SLC15A5: variants seen among roughly 807,000 people sequenced by gnomAD.
SLC15A5 encodes solute carrier family 15 member 5, also known as Peptide/histidine transporter ENSP00000340402.
In SLC15A5, 58 loss-of-function variants were observed where a neutral mutation model predicts 56.1. That is an observed-to-expected ratio of 1.03 (90% CI 0.84 to 1.29). The LOEUF (loss-of-function observed/expected upper bound fraction) is 1.29, where lower values mean the gene tolerates loss of function less well. Among genes scored for constraint, SLC15A5 ranks in the 50% most tolerant of loss-of-function variants. The pLI is 0.00. For synonymous variants in SLC15A5, 264 were observed against 250.5 expected (o/e 1.05, Z -0.51); for missense variants, 681 against 672.1 (o/e 1.01, Z -0.15).
chr12:16,240,818 T>A (rs1864406863), intron 4 of SLC15A5, among the ~76,000 whole-genome samples: 1 of 149,980 alleles, frequency 6.7e-6, no homozygotes, highest in African/African-American at 2.5e-5. Flanking sequence ...TCTTTTTTAT[T>A]TTTATTTTTT....
chr12:16,218,234 G>GT (rs150439894), intron 6 of SLC15A5, among the ~76,000 whole-genome samples: 2,242 of 152,218 alleles, frequency 0.015, 55 homozygotes, highest in African/African-American at 0.05. Context: ...CAAAAAAATT[G>GT]TAAGGAAATA....
At chr12:16,273,047 G>T (rs879225708) in intron 1 of SLC15A5, among the ~76,000 whole-genome samples, 1 of 151,078 alleles carries the variant, frequency 6.6e-6, no homozygotes, top group Admixed American at 6.6e-5. Flanking sequence ...CAGAATGTAT[G>T]AGCAAATCAT....
chr12:16,255,417 G>T (rs1864561407), intron 3 of SLC15A5, among the ~76,000 whole-genome samples: 1 of 151,952 alleles, frequency 6.6e-6, no homozygotes, highest in South Asian at 2.1e-4. Context: ...TCTCAAATTG[G>T]CAAAAATCCC....
intron 6 of SLC15A5, among the ~76,000 whole-genome samples, chr12:16,221,118 T>C (rs1864183871): frequency 6.6e-6 from 1 of 152,166 alleles, no homozygotes; most frequent in Non-Finnish European, 1.5e-5. Flanking sequence ...GAATAATACA[T>C]TTTTATTGTA....
At chr12:16,213,543 G>T (rs1484944148) in intron 7 of SLC15A5, among the ~76,000 whole-genome samples, 1 of 152,134 alleles carries the variant, frequency 6.6e-6, no homozygotes, top group Non-Finnish European at 1.5e-5. Context: ...TCAAAGTAGA[G>T]AATTTTTCTG....
chr12:16,265,435 C>T (rs187585765), intron 2 of SLC15A5, among the ~76,000 whole-genome samples: 41 of 152,258 alleles, frequency 2.7e-4, no homozygotes, highest in African/African-American at 8.4e-4. Flanking sequence ...AGTCTCTTTT[C>T]CTTCATTAAA....
At chr12:16,223,010 T>C in intron 6 of SLC15A5, among the ~76,000 whole-genome samples, 1 of 152,032 alleles carries the variant, frequency 6.6e-6, no homozygotes, top group East Asian at 1.9e-4. Context: ...ATATATGGGA[T>C]GAAATGATAT....
chr12:16,190,617 A>G (rs556135620), intron 8 of SLC15A5, among the ~76,000 whole-genome samples: 58 of 152,302 alleles, frequency 3.8e-4, no homozygotes, highest in Middle Eastern at 3.4e-3. Flanking sequence ...AATATCGGCT[A>G]TAAGTTTAAT....
intron 6 of SLC15A5, among the ~76,000 whole-genome samples, chr12:16,218,224 C>CA (rs945137131): frequency 2.6e-5 from 4 of 151,618 alleles, no homozygotes; most frequent in Admixed American, 6.6e-5. Flanking sequence ...ATATGTGTGC[C>CA]AAAAAAATTG....
At position 16,270,217 on chromosome 12, in the gene SLC15A5, C is replaced by T. The variant is rs139262133; in HGVS notation, c.584+2344G>A. On this transcript the variant is annotated intron_variant, in intron 2 of 8. Coordinates refer to ENST00000344941, the MANE Select transcript of SLC15A5 (RefSeq NM_001170798.1). The stretch of plus-strand genomic sequence containing the variant: ...TGCCTGAGACTTCCAGTCTATGCTA[C>T]TTAACATGATCATTGGGAAGCTTTA... Among the ~76,000 whole-genome samples, 55 of 152,254 alleles carry T rather than the reference C, an allele frequency of 3.6e-4. No homozygotes were observed. The East Asian group carries it at 0.01, about 29-fold the overall frequency.
chr12:16,240,938 G>A (rs866896248), intron 4 of SLC15A5, among the ~76,000 whole-genome samples: 1 of 151,850 alleles, frequency 6.6e-6, no homozygotes, highest in Non-Finnish European at 1.5e-5. Context: ...TCAGCCTTCC[G>A]AGTAGCTGAG....
intron 7 of SLC15A5, among the ~76,000 whole-genome samples, chr12:16,200,422 T>C (rs1863943661): frequency 1.3e-5 from 2 of 152,064 alleles, no homozygotes; most frequent in Non-Finnish European, 2.9e-5. Context: ...AAAAATGATA[T>C]ATACGTAATT....
At position 16,271,671 on chromosome 12, in the gene SLC15A5, A is replaced by G. The variant is rs1377859419; in HGVS notation, c.584+890T>C. ...CACATATAGACACTATTTACTCTAAAAATGGACAATGTAGCTCACATCTGT... is the reference window on the plus strand; with the variant it reads ...CACATATAGACACTATTTACTCTAAGAATGGACAATGTAGCTCACATCTGT... On this transcript the variant is annotated intron_variant, in intron 2 of 8. Transcript: ENST00000344941. This position sits in a 1 kb window ranked among gnomAD's most constrained non-coding sequence, Gnocchi z 8.0. Among the ~76,000 whole-genome samples the G allele has an allele frequency of 6.6e-6, 1 of 152,210 alleles. No individual in the cohort carries two copies. Among genetic ancestry groups the G allele is most frequent in the Non-Finnish European group, 1.5e-5 (1 of 68,032 alleles).
intron 7 of SLC15A5, among the ~76,000 whole-genome samples, chr12:16,208,916 GC>G (rs900673179): frequency 1.3e-5 from 2 of 151,814 alleles, no homozygotes; most frequent in African/African-American, 4.8e-5. Flanking sequence ...ATTTTTATTT[GC>G]TAAGTCTGGC....
chr12:16,245,350 A>G (rs1281572902), intron 3 of SLC15A5, among the ~76,000 whole-genome samples: 2 of 152,172 alleles, frequency 1.3e-5, no homozygotes, highest in Non-Finnish European at 2.9e-5. Context: ...GATTTTATGC[A>G]TGTTGATAGT....
In SLC15A5 at chr12:16,237,175, A is replaced by G. The variant is rs1292642526; in HGVS notation, c.1162+2506T>C. On this transcript the variant is annotated intron_variant, in intron 5 of 8. Coordinates refer to ENST00000344941, the MANE Select transcript of SLC15A5 (RefSeq NM_001170798.1). This position sits in a 1 kb window ranked among gnomAD's most constrained non-coding sequence, Gnocchi z 4.1. ...TTAGACTAATTCAGTTATGTAAATT[A>G]GTATCAAAAAGTACCCCAGGTTGGT... Among the ~76,000 whole-genome samples the G allele has an allele frequency of 6.6e-5, 10 of 152,200 alleles. No individual in the cohort carries two copies. The highest frequency in any genetic ancestry group is 6.5e-4 in the Admixed American group (10 of 15,282).
intron 7 of SLC15A5, among the ~76,000 whole-genome samples, chr12:16,203,781 A>G (rs1863986552): frequency 6.6e-6 from 1 of 152,182 alleles, no homozygotes; most frequent in South Asian, 2.1e-4. Flanking sequence ...ATGTACCTGA[A>G]GATTAATTTT....
intron 7 of SLC15A5, among the ~76,000 whole-genome samples, chr12:16,201,417 GAAAT>G (rs1663494409): frequency 6.6e-6 from 1 of 152,134 alleles, no homozygotes; most frequent in Admixed American, 6.6e-5. Context: ...GTAGAGTCCA[GAAAT>G]AAATCTGTGC....
At position 16,206,005 on chromosome 12, in the gene SLC15A5, C is replaced by G. The variant is rs898675808; in HGVS notation, c.1483+10888G>C. Reference sequence around the variant, plus strand: ...AAAGTCCAAAATTGTCGAGACAAAACTGAAATGGATTTTATACTCTGCTTT... The same window carrying G: ...AAAGTCCAAAATTGTCGAGACAAAAGTGAAATGGATTTTATACTCTGCTTT... On this transcript the variant is annotated intron_variant, in intron 7 of 8. Transcript: ENST00000344941. Among the ~76,000 whole-genome samples, 4 of 152,202 alleles carry G rather than the reference C, an allele frequency of 2.6e-5. No homozygotes were observed. The East Asian group carries it at 7.7e-4, about 29-fold the overall frequency.
Sources: allele counts gnomAD v4.1 joint callset (sites outside exome capture counted in the v4.1 genomes callset), GRCh38; gene constraint gnomAD v4.1.1; non-coding constraint Gnocchi (gnomAD v3.1); transcripts MANE v1.5; gene names NCBI Gene and HGNC (gene_info 2026-07-23, HGNC 2026-07-21).